Variants in PRIMA1 observed in about 807,000 individuals in gnomAD.
The protein encoded by PRIMA1 is proline-rich membrane anchor 1.
A neutral mutation model predicts 17.5 loss-of-function variants in PRIMA1; 7 were observed. That is an observed-to-expected ratio of 0.40 (90% CI 0.23 to 0.75). The LOEUF (loss-of-function observed/expected upper bound fraction) is 0.75, where lower values mean the gene tolerates loss of function less well. PRIMA1 is among the 30% of genes least tolerant of loss of function. The pLI, the probability that PRIMA1 is intolerant of heterozygous loss-of-function variation, is 0.37. For missense variants in PRIMA1, 200 were observed against 201.8 expected (o/e 0.99, Z 0.05); for synonymous variants, 97 against 77.9 (o/e 1.25, Z -1.29).
intron 4 of PRIMA1, among the ~76,000 whole-genome samples, chr14:93,733,798 G>A (rs890237486): frequency 3.3e-5 from 5 of 152,236 alleles, no homozygotes; most frequent in African/African-American, 7.2e-5. Flanking sequence ...ACAATTGGCC[G>A]TGAGCAAGAA....
chr14:93,785,020 A>G (rs905196874), intron 2 of PRIMA1, among the ~76,000 whole-genome samples: 2 of 152,132 alleles, frequency 1.3e-5, no homozygotes, highest in African/African-American at 4.8e-5. Context: ...ACAGAGACCC[A>G]TAAGGCCAGA....
chr14:93,767,780 G>C (rs982438216), intron 3 of PRIMA1, among the ~76,000 whole-genome samples: 1 of 152,180 alleles, frequency 6.6e-6, no homozygotes, highest in African/African-American at 2.4e-5. Context: ...TCTGCCTGGA[G>C]ACAGCGAGGA....
intron 3 of PRIMA1, among the ~76,000 whole-genome samples, chr14:93,755,196 C>A (rs1348591900): frequency 2.0e-5 from 3 of 152,294 alleles, no homozygotes; most frequent in African/African-American, 7.2e-5. Flanking sequence ...GTAACCGATT[C>A]CCATGTATCT....
rs191567076 is a variant in PRIMA1 at position 93,756,030 on chromosome 14, G to C, written c.230-18660C>G. 6.1e-4 allele frequency among the ~76,000 whole-genome samples: 93 copies of C among 152,250 alleles called. 1 individual carries two copies. Among genetic ancestry groups the C allele is most frequent in the African/African-American group, 2.2e-3 (92 of 41,526 alleles). On this transcript the variant is annotated intron_variant, in intron 3 of 4. Coordinates refer to ENST00000393140, the MANE Select transcript of PRIMA1 (RefSeq NM_178013.4). ...TAGCCTCGTGCTGTCTGCAATCCAGGTTGAGAGCCCTGTGAGATGCCAATT... is the reference window on the plus strand; with the variant it reads ...TAGCCTCGTGCTGTCTGCAATCCAGCTTGAGAGCCCTGTGAGATGCCAATT...
chr14:93,779,288 C>T lies in PRIMA1; in HGVS notation c.117G>A (p.Lys39=), dbSNP rs1324705515. ...AGCTGTCAGTCACTTTGGAGCAGGA[C>T]TTCTGGGGCTCACCATGCGTCACCT... is the stretch of plus-strand genomic sequence containing the variant. ...FVQVTHGEPQ[K]SCSKVTDSCR... Residue 39 remains lysine, a synonymous_variant, in exon 3 of 5, where the codon AAG becomes AAA. Coordinates refer to ENST00000393140, the MANE Select transcript of PRIMA1 (RefSeq NM_178013.4). 1 of 1,554,226 alleles carries T rather than the reference C, an allele frequency of 6.4e-7. No homozygotes were observed. The highest frequency in any genetic ancestry group is 2.5e-5 in the East Asian group (1 of 40,106).
rs193057099 is a variant in PRIMA1, at chr14:93,763,416, G to A, written c.229+15760C>T. 4.3e-3 allele frequency among the ~76,000 whole-genome samples: 653 copies of A among 152,280 alleles called. 23 individuals carry two copies. The highest frequency in any genetic ancestry group is 8.8e-4 in the Non-Finnish European group (60 of 68,022). ...GGCCAGCTCACCCTTCTGAGGCTGA[G>A]CTCATCTCTCCCCACCTTCCAGGCC... On this transcript the variant is annotated intron_variant, in intron 3 of 4. Coordinates refer to ENST00000393140, the MANE Select transcript of PRIMA1 (RefSeq NM_178013.4).
intron 3 of PRIMA1, among the ~76,000 whole-genome samples, chr14:93,746,861 G>A: frequency 6.6e-6 from 1 of 152,178 alleles, no homozygotes; most frequent in East Asian, 1.9e-4. Context: ...GACTCTGAGG[G>A]TTTGGGGCTG....
intron 4 of PRIMA1, among the ~76,000 whole-genome samples, chr14:93,735,733 C>T (rs2076145597): frequency 6.6e-6 from 1 of 151,066 alleles, no homozygotes; most frequent in South Asian, 2.1e-4. Context: ...GCTCTGTCGC[C>T]CAGTCTGGAG....
At chr14:93,741,657 G>C (rs560302813) in intron 3 of PRIMA1, among the ~76,000 whole-genome samples, 2 of 152,172 alleles carry the variant, frequency 1.3e-5, no homozygotes, top group Admixed American at 1.3e-4. Context: ...AGGAGTCTCC[G>C]GGGGAAGAGG....
intron 4 of PRIMA1, among the ~76,000 whole-genome samples, chr14:93,736,429 T>A (rs1409779878): frequency 2.6e-5 from 4 of 152,224 alleles, no homozygotes; most frequent in Non-Finnish European, 5.9e-5. Context: ...TGATTACAGT[T>A]ATGCCTGTGT....
intron 3 of PRIMA1, among the ~76,000 whole-genome samples, chr14:93,771,538 C>G (rs1193821749): frequency 1.3e-5 from 2 of 152,166 alleles, no homozygotes; most frequent in Non-Finnish European, 2.9e-5. Context: ...CCCTGGCTGA[C>G]AGACTATCGG....
chr14:93,739,660 G>T (rs925721151), intron 3 of PRIMA1, among the ~76,000 whole-genome samples: 3 of 152,128 alleles, frequency 2.0e-5, no homozygotes, highest in African/African-American at 7.2e-5. Flanking sequence ...TGTTGCAGCT[G>T]GATTAGGAGA....
intron 2 of PRIMA1, among the ~76,000 whole-genome samples, chr14:93,782,943 T>C (rs1885423634): frequency 6.6e-6 from 1 of 152,196 alleles, no homozygotes; most frequent in African/African-American, 2.4e-5. Flanking sequence ...CTCTCTCTCC[T>C]TTTTTTGAGA....
At chr14:93,757,199 AAAGG>A (rs113474280) in intron 3 of PRIMA1, among the ~76,000 whole-genome samples, 25,215 of 150,972 alleles carry the variant, frequency 0.17, 3,301 homozygotes, top group African/African-American at 0.37. Flanking sequence ...GGGTTTAAAA[AAAGG>A]AAGGAAGGAA....
At chr14:93,774,217 G>C (rs922336055) in intron 3 of PRIMA1, among the ~76,000 whole-genome samples, 4 of 152,226 alleles carry the variant, frequency 2.6e-5, no homozygotes, top group Admixed American at 2.6e-4. Context: ...CAGCAGTGGG[G>C]TGACCCGCTG....
At chr14:93,757,143 C>A (rs568515383) in intron 3 of PRIMA1, among the ~76,000 whole-genome samples, 2 of 151,910 alleles carry the variant, frequency 1.3e-5, no homozygotes, top group African/African-American at 4.8e-5. Context: ...AGAGCCAGCA[C>A]GCAGTGGGAA....
upstream of PRIMA1, among the ~76,000 whole-genome samples, chr14:93,788,975 CAGGGA>C (rs1235735075): frequency 2.6e-5 from 4 of 152,060 alleles, no homozygotes; most frequent in Non-Finnish European, 4.4e-5. Context: ...GAGGCGCCGG[CAGGGA>C]GCTCCCGCTG....
intron 3 of PRIMA1, among the ~76,000 whole-genome samples, chr14:93,747,618 TG>T (rs1210822728): frequency 6.8e-6 from 1 of 147,690 alleles, no homozygotes; most frequent in South Asian, 2.2e-4. Flanking sequence ...TGAGAGTGTG[TG>T]GGGGAGTGTG....
In PRIMA1 at chr14:93,718,712, A is replaced by G. The variant is rs1358767994; in HGVS notation, c.*2732T>C. ...TATATATGTTTATATGTTTACACCT[A>G]TTAGTCTTTCTTCCAAAACTTCCTT... On this transcript the variant is annotated 3_prime_UTR_variant, in exon 5 of 5. Coordinates refer to ENST00000393140, the MANE Select transcript of PRIMA1 (RefSeq NM_178013.4). 6.6e-6 allele frequency: 1 copy of G among 152,422 alleles called. No homozygotes were observed. Among genetic ancestry groups the G allele is most frequent in the East Asian group, 1.9e-4 (1 of 5,196 alleles). The allele number at this position is 152,422 out of a possible 1,614,324, so 9.4% of individuals were successfully genotyped here. A position where few individuals can be genotyped will look rare whatever the true frequency, so the allele number is the denominator to read the frequency against.
Sources: gnomAD v4.1 joint callset for allele counts (sites outside exome capture counted in the v4.1 genomes callset) on GRCh38, gnomAD v4.1.1 for gene constraint, MANE v1.5 for transcripts, NCBI Gene and HGNC (gene_info 2026-07-23, HGNC 2026-07-21) for gene names.